KIAA0825: variants seen among roughly 807,000 people sequenced by gnomAD.
KIAA0825 encodes uncharacterized protein KIAA0825.
Under a neutral mutation model 147.6 loss-of-function variants are expected in KIAA0825, and 119 were observed. The ratio of observed to expected loss-of-function variants is 0.81; its 90% CI spans 0.69 to 0.94. The LOEUF (loss-of-function observed/expected upper bound fraction) is 0.94, where lower values mean the gene tolerates loss of function less well. KIAA0825 is among the 40% of genes least tolerant of loss of function. The pLI is 0.00. For synonymous variants in KIAA0825, 470 were observed against 518.1 expected (o/e 0.91, Z 1.26); for missense variants, 1,381 against 1,472.7 (o/e 0.94, Z 1.02).
intron 1 of KIAA0825, among the ~76,000 whole-genome samples, chr5:94,599,578 ATCT>A (rs1299771419): frequency 2.6e-5 from 4 of 152,128 alleles, no homozygotes; most frequent in Non-Finnish European, 5.9e-5. Context: ...AAAGGTGGAA[ATCT>A]TCTTGACACT....
intron 18 of KIAA0825, among the ~76,000 whole-genome samples, chr5:94,387,737 A>C (rs1749354780): frequency 6.6e-6 from 1 of 151,676 alleles, no homozygotes; most frequent in Non-Finnish European, 1.5e-5. Flanking sequence ...ATCCATAGGC[A>C]CAGGGAAACT....
At chr5:94,249,401 T>C (rs1775820187) in intron 20 of KIAA0825, among the ~76,000 whole-genome samples, 1 of 152,098 alleles carries the variant, frequency 6.6e-6, no homozygotes, top group Non-Finnish European at 1.5e-5. Flanking sequence ...ATATTCTAGA[T>C]ATATTAGCCT....
Position 94,370,756 on chromosome 5 carries a change from A to G in KIAA0825, c.3710+13612T>C, listed in dbSNP as rs188736024. Reference sequence around the variant, plus strand: ...CCCTTCTTTACTAAAAAAATACAAAAAAAGTAGCTGGGCGTGGTGGTGGGA... The same window carrying G: ...CCCTTCTTTACTAAAAAAATACAAAGAAAGTAGCTGGGCGTGGTGGTGGGA... On this transcript the variant is annotated intron_variant, in intron 20 of 20. Coordinates refer to ENST00000682413, the MANE Select transcript of KIAA0825 (RefSeq NM_001145678.3). Among the ~76,000 whole-genome samples the G allele has an allele frequency of 6.4e-3, 973 of 152,096 alleles. 13 individuals carry two copies. Among genetic ancestry groups the G allele is most frequent in the African/African-American group, 0.022 (907 of 41,482 alleles).
chr5:94,413,698 T>C (rs1039246742), intron 15 of KIAA0825: 1 of 152,202 alleles, frequency 6.6e-6, no homozygotes, highest in Non-Finnish European at 1.5e-5. Flanking sequence ...ATGTTCCATA[T>C]CTTTATCGTT....
At chr5:94,563,774 T>C (rs1185440884) in intron 2 of KIAA0825, among the ~76,000 whole-genome samples, 3 of 152,132 alleles carry the variant, frequency 2.0e-5, no homozygotes, top group Admixed American at 1.3e-4. Flanking sequence ...AACCTCCACC[T>C]CCCGAGTTCA....
At chr5:94,601,377 A>AAAACCCC (rs1037983738) in intron 1 of KIAA0825, among the ~76,000 whole-genome samples, 2 of 152,176 alleles carry the variant, frequency 1.3e-5, no homozygotes, top group African/African-American at 2.4e-5. Context: ...CAACAACGAA[A>AAAACCCC]AAACCCCAAA....
At chr5:94,596,044 CT>C (rs1174793595) in intron 1 of KIAA0825, among the ~76,000 whole-genome samples, 1 of 152,150 alleles carries the variant, frequency 6.6e-6, no homozygotes, top group African/African-American at 2.4e-5. Context: ...TGCAGGCTGT[CT>C]TTTTACTCTG....
intron 1 of KIAA0825, among the ~76,000 whole-genome samples, chr5:94,590,217 A>T (rs376566478): frequency 1.2e-4 from 18 of 152,014 alleles, no homozygotes; most frequent in African/African-American, 4.1e-4. Flanking sequence ...CTGGTCTCGA[A>T]CTCCCAACCT....
At chr5:94,296,201 A>G (rs1778126727) in intron 20 of KIAA0825, among the ~76,000 whole-genome samples, 1 of 152,088 alleles carries the variant, frequency 6.6e-6, no homozygotes, top group Non-Finnish European at 1.5e-5. Flanking sequence ...CTTTGTTTAC[A>G]CTGTGAGGGG....
At chr5:94,542,768 T>C (rs1773588078) in intron 2 of KIAA0825, among the ~76,000 whole-genome samples, 2 of 151,710 alleles carry the variant, frequency 1.3e-5, no homozygotes, top group East Asian at 1.9e-4. Context: ...GATCGTGTCA[T>C]TGCACTCCAG....
Position 94,396,103 on chromosome 5 carries a change from T to C in KIAA0825, c.3294A>G (p.Glu1098=), listed in dbSNP as rs369521572. ...QLLKARKLST[E]CAFMTIEKST... is the part of the protein sequence containing the mutation. ...ATAAGAGAAAAACATCACTTTACCA[T>C]TCAGTGCTCAGTTTCCTTGCTTTCA... The change falls in exon 17 of 21, where the codon GAA becomes GAG. Residue 1098 remains glutamate (E), a splice_region_variant and synonymous_variant. Transcript: ENST00000682413. 7.1e-5 allele frequency: 104 copies of C among 1,464,892 alleles called. 1 individual carries two copies. The highest frequency in any genetic ancestry group is 1.8e-4 in the Middle Eastern group (1 of 5,636). The allele number at this position is 1,464,892 out of a possible 1,614,324, so 90.7% of individuals were successfully genotyped here.
intron 1 of KIAA0825, among the ~76,000 whole-genome samples, chr5:94,601,239 T>C (rs1244138802): frequency 6.6e-6 from 1 of 152,162 alleles, no homozygotes; most frequent in Non-Finnish European, 1.5e-5. Context: ...ATCTTTACTA[T>C]TTCACAGCCT....
chr5:94,366,873 C>T lies in KIAA0825; in HGVS notation c.3710+17495G>A, dbSNP rs1166230442. 3.3e-5 allele frequency among the ~76,000 whole-genome samples: 5 copies of T among 152,198 alleles called. No individual in the cohort carries two copies. In the East Asian group the frequency reaches 9.6e-4, roughly 29 times the overall value. On this transcript the variant is annotated intron_variant, in intron 20 of 20. Coordinates refer to ENST00000682413, the MANE Select transcript of KIAA0825 (RefSeq NM_001145678.3). ...GTCATTTATAACTTGATGCGTCCACCTTACTGTTGTGTCCGGTTTCTACTG... is the reference window on the plus strand; with the variant it reads ...GTCATTTATAACTTGATGCGTCCACTTTACTGTTGTGTCCGGTTTCTACTG...
At chr5:94,616,368 G>C (rs1327892283) in intron 1 of KIAA0825, among the ~76,000 whole-genome samples, 1 of 152,132 alleles carries the variant, frequency 6.6e-6, no homozygotes, top group Non-Finnish European at 1.5e-5. Context: ...TGGGTATTGG[G>C]ATGGGCAGGT....
At chr5:94,411,079 A>T (rs1752703797) in intron 15 of KIAA0825, among the ~76,000 whole-genome samples, 1 of 152,192 alleles carries the variant, frequency 6.6e-6, no homozygotes, top group Admixed American at 6.5e-5. Context: ...AAGGATAGGG[A>T]GGAAGTAAAT....
intron 1 of KIAA0825, among the ~76,000 whole-genome samples, chr5:94,589,605 G>A (rs1354296873): frequency 6.6e-6 from 1 of 151,894 alleles, no homozygotes; most frequent in Non-Finnish European, 1.5e-5. Context: ...TTTCCCCATG[G>A]GAGTTTTGTA....
At chr5:94,492,153 T>G (rs543533892) in intron 5 of KIAA0825, among the ~76,000 whole-genome samples, 127 of 152,314 alleles carry the variant, frequency 8.3e-4, no homozygotes, top group African/African-American at 2.9e-3. Context: ...ACCAATTGTA[T>G]CATATGTTTA....
intron 12 of KIAA0825, among the ~76,000 whole-genome samples, chr5:94,455,492 A>G (rs1205701836): frequency 1.7e-4 from 26 of 152,186 alleles, no homozygotes; most frequent in Admixed American, 1.7e-3. Flanking sequence ...CAATGAATGA[A>G]AACTGTTTTG....
chr5:94,248,207 C>T, intron 20 of KIAA0825, among the ~76,000 whole-genome samples: 1 of 152,050 alleles, frequency 6.6e-6, no homozygotes. Context: ...AACCAGCAAC[C>T]TTCCCAAAGA....
Sources: gnomAD v4.1 joint callset for allele counts (sites outside exome capture counted in the v4.1 genomes callset) on GRCh38, gnomAD v4.1.1 for gene constraint, MANE v1.5 for transcripts, NCBI Gene and HGNC (gene_info 2026-07-23, HGNC 2026-07-21) for gene names.